VIPAS39: variants seen among roughly 807,000 people sequenced by gnomAD.
VIPAS39 encodes spermatogenesis-defective protein 39 homolog.
A neutral mutation model predicts 84.7 loss-of-function variants in VIPAS39; 63 were observed. That is an observed-to-expected ratio of 0.74 (90% CI 0.61 to 0.92). The LOEUF (loss-of-function observed/expected upper bound fraction) is 0.92. VIPAS39 is among the 40% of genes least tolerant of loss of function. The pLI, the probability that VIPAS39 is intolerant of heterozygous loss-of-function variation, is 0.00. For missense variants in VIPAS39, 499 were observed against 604.5 expected, an observed-to-expected ratio of 0.83 and a Z score of 1.83; for synonymous variants, 192 against 216.5, an observed-to-expected ratio of 0.89 and a Z score of 0.99.
Position 77,429,679 on chromosome 14 carries a change from A to C in VIPAS39, c.1266+2T>G. On this transcript the variant is annotated splice_donor_variant, in intron 17 of 19. Coordinates refer to ENST00000557658, the MANE Select transcript of VIPAS39 (RefSeq NM_001193315.2). LOFTEE classifies it high-confidence loss of function. ...TACCCAACTCTCTTCAGGACCCATTACCTGCACAGGGGCATTGTTCTTGTG... is the reference window on the plus strand; with the variant it reads ...TACCCAACTCTCTTCAGGACCCATTCCCTGCACAGGGGCATTGTTCTTGTG... The C allele has an allele frequency of 6.2e-7, 1 of 1,614,076 alleles. No individual in the cohort carries two copies. The highest frequency in any genetic ancestry group is 8.5e-7 in the Non-Finnish European group (1 of 1,179,948).
At chr14:77,437,979 T>C in intron 11 of VIPAS39, 98 bp from the exon 12 acceptor site, 1 of 1,249,174 alleles carries the variant, frequency 8.0e-7, no homozygotes, top group Non-Finnish European at 1.2e-6. Flanking sequence ...AAACAAATTC[T>C]TCATTTCTGG....
intron 4 of VIPAS39, among the ~76,000 whole-genome samples, chr14:77,450,337 T>C (rs886613233): frequency 1.3e-5 from 2 of 152,232 alleles, no homozygotes; most frequent in Non-Finnish European, 2.9e-5. Flanking sequence ...TTCCGCTGCA[T>C]GTATATGGCA....
rs188584882 is a variant in VIPAS39, at chr14:77,456,000, C to A, written c.-1+1495G>T. On this transcript the variant is annotated intron_variant, in intron 1 of 19. Transcript: ENST00000557658. ...AATCCTGGTTTCTCTTAATTCTGAG[C>A]AAAGTGGATAAATGACTTTACTTCT... Among the ~76,000 whole-genome samples, 35 of 152,300 alleles carry A rather than the reference C, an allele frequency of 2.3e-4. No individual in the cohort carries two copies. In the East Asian group the frequency reaches 6.7e-3, roughly 29 times the overall value.
intron 1 of VIPAS39, 91 bp from the exon 2 acceptor site, chr14:77,454,193 C>T: frequency 1.7e-6 from 2 of 1,182,438 alleles, no homozygotes; most frequent in Non-Finnish European, 2.5e-6. Flanking sequence ...CTAACTGATC[C>T]CAAAAATCAA....
At chr14:77,454,658 G>C (rs912874296) in intron 1 of VIPAS39, among the ~76,000 whole-genome samples, 1 of 131,182 alleles carries the variant, frequency 7.6e-6, no homozygotes, top group African/African-American at 2.9e-5. Context: ...TGGGCAACAA[G>C]AGCGAAACTC....
intron 7 of VIPAS39, among the ~76,000 whole-genome samples, chr14:77,445,119 C>T (rs979491686): frequency 6.6e-5 from 10 of 151,212 alleles, no homozygotes; most frequent in East Asian, 6.0e-4. Flanking sequence ...CCACCACACC[C>T]GGCTAATTTT....
intron 7 of VIPAS39, among the ~76,000 whole-genome samples, chr14:77,447,937 C>T (rs1193981421): frequency 6.6e-6 from 1 of 151,640 alleles, no homozygotes; most frequent in Non-Finnish European, 1.5e-5. Flanking sequence ...GCTGGGATTA[C>T]AGGCGTGAGC....
Position 77,442,617 on chromosome 14 carries a change from T to C in VIPAS39, c.677A>G (p.His226Arg), listed in dbSNP as rs1555366438. The change falls in exon 10 of 20, where the codon CAT (histidine) becomes CGT (arginine). Residue 226 changes from histidine to arginine, a missense_variant. Physicochemically the swap from His to Arg is conservative, Grantham distance 29. Coordinates refer to ENST00000557658, the MANE Select transcript of VIPAS39 (RefSeq NM_001193315.2). ...ELEVRQVALRHLIHFLKEIGD... is the reference protein window; with the variant it reads ...ELEVRQVALRRLIHFLKEIGD... The stretch of plus-strand genomic sequence containing the variant: ...TATTTCCTTAAGGAAGTGAATAAGA[T>C]GTCTCAGGGCAACCTGTCGCACCTC... 1.9e-6 allele frequency: 3 copies of C among 1,614,228 alleles called. No individual in the cohort carries two copies. Among genetic ancestry groups the C allele is most frequent in the Non-Finnish European group, 2.5e-6 (3 of 1,180,028 alleles).
At position 77,448,655 on chromosome 14, in the gene VIPAS39, A is replaced by C. The variant is rs79727874; in HGVS notation, c.448-105T>G. The stretch of plus-strand genomic sequence containing the variant: ...AGTCTTAGTGTCTAAGGGGGAAATA[A>C]TTTGTGGGAGGGAATGGATGTGAAA... On this transcript the variant is annotated intron_variant, in intron 6 of 19. Transcript: ENST00000557658. 8,025 of 1,232,898 alleles carry C rather than the reference A, an allele frequency of 6.5e-3. 386 individuals carry two copies. The African/African-American group carries it at 0.11, about 16-fold the overall frequency. The allele number at this position is 1,232,898 out of a possible 1,614,324, so 76.4% of individuals were successfully genotyped here.
Position 77,429,115 on chromosome 14 carries a change from C to G in VIPAS39, c.1267-20G>C. ...TAATATCTGTGGGAAGAGGTACTTC[C>G]GATTAATGATTCAAACACCCATAAG... On this transcript the variant is annotated intron_variant, in intron 17 of 19. Coordinates refer to ENST00000557658, the MANE Select transcript of VIPAS39 (RefSeq NM_001193315.2). The G allele has an allele frequency of 6.2e-7, 1 of 1,606,934 alleles. No homozygotes were observed. Among genetic ancestry groups the G allele is most frequent in the Non-Finnish European group, 8.5e-7 (1 of 1,174,172 alleles).
At chr14:77,453,269 C>A (rs2078910445) in intron 3 of VIPAS39, 30 bp downstream of exon 3, 1 of 1,601,374 alleles carries the variant, frequency 6.2e-7, no homozygotes, top group East Asian at 2.2e-5. Flanking sequence ...TCCTCAACAT[C>A]TATCCCTGCC....
chr14:77,444,654 G>C (rs902394638), intron 7 of VIPAS39, among the ~76,000 whole-genome samples: 3 of 151,282 alleles, frequency 2.0e-5, no homozygotes, highest in African/African-American at 7.3e-5. Flanking sequence ...CTCACTGCAA[G>C]CTCCGCCTCC....
intron 16 of VIPAS39, among the ~76,000 whole-genome samples, chr14:77,432,296 G>A (rs1248989955): frequency 1.3e-5 from 2 of 151,626 alleles, no homozygotes. Flanking sequence ...TAGAGAAAAG[G>A]GACCCTGGTA....
Position 77,444,237 on chromosome 14 carries a change from C to G in VIPAS39, c.597+12G>C, listed in dbSNP as rs1434445114. On this transcript the variant is annotated intron_variant, in intron 8 of 19. Transcript: ENST00000557658. ...AATAATTAAACAAACAACAACAAAT[C>G]CGACAACTCACTGCAGTAATGACGT... 1 of 1,611,168 alleles carries G rather than the reference C, an allele frequency of 6.2e-7. No homozygotes were observed. Among genetic ancestry groups the G allele is most frequent in the Non-Finnish European group, 8.5e-7 (1 of 1,177,778 alleles).
intron 11 of VIPAS39, among the ~76,000 whole-genome samples, chr14:77,438,253 A>G (rs1276324627): frequency 6.7e-6 from 1 of 148,518 alleles, no homozygotes; most frequent in Non-Finnish European, 1.5e-5. Flanking sequence ...TTTGAGACGA[A>G]GTCTCACTCT....
At chr14:77,447,127 C>T (rs1469253438) in intron 7 of VIPAS39, among the ~76,000 whole-genome samples, 3 of 150,476 alleles carry the variant, frequency 2.0e-5, no homozygotes, top group Non-Finnish European at 4.4e-5. Context: ...CAGGTTCAAA[C>T]GATTCTCTTG....
At chr14:77,435,624 T>C (rs897711956) in intron 13 of VIPAS39, among the ~76,000 whole-genome samples, 18 of 151,888 alleles carry the variant, frequency 1.2e-4, no homozygotes, top group African/African-American at 4.4e-4. Context: ...ACATGGGAGA[T>C]TCGGGATGAA....
chr14:77,437,845 G>A lies in VIPAS39; in HGVS notation c.799C>T (p.Pro267Ser), dbSNP rs754769494. 3 of 1,613,832 alleles carry A rather than the reference G, an allele frequency of 1.9e-6. No individual in the cohort carries two copies. The highest frequency in any genetic ancestry group is 1.7e-5 in the Admixed American group (1 of 59,984). The change falls in exon 12 of 20, where the codon CCT (proline) becomes TCT (serine). Residue 267 changes from proline to serine, a missense_variant. Physicochemically the swap from Pro to Ser is moderately conservative, Grantham distance 74. Transcript: ENST00000557658. The stretch of plus-strand genomic sequence containing the variant: ...TTAAGAAATTCTTTTCGTTTGTCAG[G>A]GTCCTGAATGTTCAAATGCTCTCGA... ...HYREHLNIQD[P>S]DKRKEFLKTC...
At chr14:77,428,548 A>G (rs753345042) in intron 18 of VIPAS39, 74 bp from the exon 19 acceptor site, 9 of 1,337,792 alleles carry the variant, frequency 6.7e-6, no homozygotes, top group Non-Finnish European at 9.5e-6. Flanking sequence ...GGATGGTCTC[A>G]AACTCCTGGG....
Sources: gnomAD v4.1 joint callset for allele counts (sites outside exome capture counted in the v4.1 genomes callset) on GRCh38, gnomAD v4.1.1 for gene constraint, MANE v1.5 for transcripts, NCBI Gene and HGNC (gene_info 2026-07-23, HGNC 2026-07-21) for gene names.